SFMBT1: variants seen among roughly 807,000 people sequenced by gnomAD.
SFMBT1 encodes scm-like with four MBT domains protein 1.
In SFMBT1, 32 loss-of-function variants were observed where a neutral mutation model predicts 108.7. The ratio of observed to expected loss-of-function variants is 0.29; its 90% CI spans 0.22 to 0.40. SFMBT1 has a LOEUF of 0.40. SFMBT1 is among the 10% of genes least tolerant of loss of function. The pLI, the probability that SFMBT1 is intolerant of heterozygous loss-of-function variation, is 1.00. For synonymous variants in SFMBT1, 348 were observed against 369.5 expected (o/e 0.94, Z 0.67); for missense variants, 816 against 1,059.6 (o/e 0.77, Z 3.19).
intron 1 of SFMBT1, among the ~76,000 whole-genome samples, chr3:53,012,455 T>C (rs1295795718): frequency 6.6e-6 from 1 of 151,108 alleles, no homozygotes; most frequent in Non-Finnish European, 1.5e-5. Flanking sequence ...CAGGCTGGAG[T>C]GCAGTGGCGC....
intron 1 of SFMBT1, among the ~76,000 whole-genome samples, chr3:53,023,740 G>A (rs1327090140): frequency 6.6e-6 from 1 of 152,146 alleles, no homozygotes; most frequent in Non-Finnish European, 1.5e-5. Flanking sequence ...TGTGGGCTCT[G>A]GTTTGTAGGC....
intron 1 of SFMBT1, among the ~76,000 whole-genome samples, chr3:52,980,946 T>C (rs1260158470): frequency 6.6e-6 from 1 of 152,208 alleles, no homozygotes; most frequent in African/African-American, 2.4e-5. Context: ...GTGGATCACC[T>C]GAGGTGGGGA....
intron 1 of SFMBT1, among the ~76,000 whole-genome samples, chr3:53,030,498 A>T (rs1699645144): frequency 6.6e-6 from 1 of 152,160 alleles, no homozygotes; most frequent in Admixed American, 6.5e-5. Context: ...ATTTTAAAAA[A>T]TAAAGCAACA....
At chr3:52,993,237 A>G (rs950652001) in intron 1 of SFMBT1, among the ~76,000 whole-genome samples, 1 of 139,992 alleles carries the variant, frequency 7.1e-6, no homozygotes, top group African/African-American at 2.5e-5. Flanking sequence ...TGCACTGTGT[A>G]GTCCATATGC....
chr3:52,954,660 CA>C (rs1703721235), intron 2 of SFMBT1, among the ~76,000 whole-genome samples: 1 of 152,046 alleles, frequency 6.6e-6, no homozygotes, highest in African/African-American at 2.4e-5. Flanking sequence ...AAGAGGCACC[CA>C]AATCTAGAGT....
intron 1 of SFMBT1, among the ~76,000 whole-genome samples, chr3:53,042,859 A>G (rs1254395751): frequency 2.0e-5 from 3 of 152,250 alleles, no homozygotes. Flanking sequence ...TAAGTCATCA[A>G]TTACTCTCTT....
In SFMBT1 at chr3:52,928,181, G is replaced by C. The variant is rs754565893; in HGVS notation, c.1048+10C>G. On this transcript the variant is annotated intron_variant, in intron 9 of 20. Coordinates refer to ENST00000394752, the MANE Select transcript of SFMBT1 (RefSeq NM_016329.4). ...CTCAAGTGACAATTCAGAAGACAGC[G>C]AATGTGCACCTGGAGGGGGGCTGAT... The C allele has an allele frequency of 6.2e-7, 1 of 1,607,038 alleles. No individual in the cohort carries two copies. Among genetic ancestry groups the C allele is most frequent in the Admixed American group, 1.7e-5 (1 of 58,586 alleles).
At position 52,964,989 on chromosome 3, in the gene SFMBT1, A is replaced by T. The variant is rs570084847; in HGVS notation, c.28+4112T>A. On this transcript the variant is annotated intron_variant, in intron 2 of 20. Coordinates refer to ENST00000394752, the MANE Select transcript of SFMBT1 (RefSeq NM_016329.4). ...TATTGCAGTGAACCCACTCTCCCATAAAAGAACCAAAGGACTGGCTAACCA... is the reference window on the plus strand; with the variant it reads ...TATTGCAGTGAACCCACTCTCCCATTAAAGAACCAAAGGACTGGCTAACCA... 1.1e-3 allele frequency among the ~76,000 whole-genome samples: 162 copies of T among 152,294 alleles called. 1 individual carries two copies. The highest frequency in any genetic ancestry group is 2.0e-3 in the Non-Finnish European group (136 of 68,018).
intron 4 of SFMBT1, among the ~76,000 whole-genome samples, chr3:52,939,765 T>C (rs1295363159): frequency 2.0e-5 from 3 of 152,136 alleles, no homozygotes; most frequent in Non-Finnish European, 4.4e-5. Context: ...CTTTCCTTTT[T>C]TTCATCTGTT....
chr3:53,042,335 T>C (rs1700083179), intron 1 of SFMBT1, among the ~76,000 whole-genome samples: 1 of 152,198 alleles, frequency 6.6e-6, no homozygotes. Flanking sequence ...AGGCAAATCA[T>C]ACTGGGTTGG....
chr3:52,911,988 C>T (rs1251866665), intron 16 of SFMBT1, among the ~76,000 whole-genome samples: 1 of 152,122 alleles, frequency 6.6e-6, no homozygotes, highest in Non-Finnish European at 1.5e-5. Context: ...GCGTGAGCCA[C>T]GGTGCCCGGT....
At chr3:53,003,771 A>G (rs933359125) in intron 1 of SFMBT1, among the ~76,000 whole-genome samples, 3 of 129,586 alleles carry the variant, frequency 2.3e-5, no homozygotes, top group South Asian at 3.1e-4. Context: ...AAAAAAAAAA[A>G]AAAAGAAAAG....
rs944041426 is a variant in SFMBT1, at chr3:52,905,288, T to C, written c.2461-12A>G. On this transcript the variant is annotated splice_polypyrimidine_tract_variant and intron_variant, in intron 20 of 20. Transcript: ENST00000394752. The stretch of plus-strand genomic sequence containing the variant: ...TGCCCATCAATTTCCTGTTAAAGCA[T>C]AAAAGACAAATTATCTGTGATGTGC... The C allele has an allele frequency of 1.9e-6, 3 of 1,610,908 alleles. No homozygotes were observed. Among genetic ancestry groups the C allele is most frequent in the Admixed American group, 1.7e-5 (1 of 59,618 alleles).
intron 10 of SFMBT1, among the ~76,000 whole-genome samples, chr3:52,923,346 G>A (rs1432312138): frequency 2.0e-5 from 3 of 152,000 alleles, no homozygotes; most frequent in African/African-American, 7.2e-5. Flanking sequence ...CGGGTGGATC[G>A]CCTGAGGTCA....
chr3:52,994,714 G>A (rs1413750541), intron 1 of SFMBT1, among the ~76,000 whole-genome samples: 2 of 150,036 alleles, frequency 1.3e-5, no homozygotes, highest in Non-Finnish European at 3.0e-5. Flanking sequence ...TGGCCGGGCT[G>A]GTCTCAAACT....
chr3:53,034,734 C>T (rs1156506585), intron 1 of SFMBT1, among the ~76,000 whole-genome samples: 2 of 151,556 alleles, frequency 1.3e-5, no homozygotes, highest in Admixed American at 1.3e-4. Flanking sequence ...ATCACGAGTT[C>T]GAGACCAGCT....
intron 1 of SFMBT1, among the ~76,000 whole-genome samples, chr3:52,984,686 T>G (rs1704840010): frequency 7.9e-6 from 1 of 126,012 alleles, no homozygotes; most frequent in Non-Finnish European, 1.7e-5. Context: ...ATATAGGTAA[T>G]ATATATTATT....
At chr3:52,983,817 A>G (rs918136324) in intron 1 of SFMBT1, among the ~76,000 whole-genome samples, 1 of 152,210 alleles carries the variant, frequency 6.6e-6, no homozygotes. Context: ...GTCATATTTT[A>G]TATGAACTTG....
At chr3:53,029,766 C>T (rs1478019177) in intron 1 of SFMBT1, among the ~76,000 whole-genome samples, 1 of 152,138 alleles carries the variant, frequency 6.6e-6, no homozygotes, top group Non-Finnish European at 1.5e-5. Context: ...GGGGATTCTG[C>T]CTATGCCATC....
Sources: allele counts gnomAD v4.1 joint callset (sites outside exome capture counted in the v4.1 genomes callset), GRCh38; gene constraint gnomAD v4.1.1; transcripts MANE v1.5; gene names NCBI Gene and HGNC (gene_info 2026-07-23, HGNC 2026-07-21).